The following ATP2B2 variants were observed in gnomAD, a reference collection of about 807,000 sequenced individuals.
ATP2B2 encodes the protein plasma membrane calcium-transporting ATPase 2.
A neutral mutation model predicts 120.0 loss-of-function variants in ATP2B2; 15 were observed. That is an observed-to-expected ratio of 0.12 (90% CI 0.08 to 0.19). The LOEUF is 0.19. Ranked by LOEUF, ATP2B2 falls within the 10% of genes least tolerant of loss-of-function variation. The pLI is 1.00. For missense variants in ATP2B2, 1,045 were observed against 1,719.8 expected, an observed-to-expected ratio of 0.61 and a Z score of 6.94; for synonymous variants, 694 against 700.3, an observed-to-expected ratio of 0.99 and a Z score of 0.14.
chr3:10,356,939 C>T (rs777324007), intron 14 of ATP2B2, among the ~76,000 whole-genome samples: 7 of 151,366 alleles, frequency 4.6e-5, no homozygotes, highest in Non-Finnish European at 8.8e-5. Flanking sequence ...GCCACAATGA[C>T]ACCCCCAAGG....
intron 1 of ATP2B2, among the ~76,000 whole-genome samples, chr3:10,494,754 C>A (rs2066074419): frequency 6.6e-6 from 1 of 152,182 alleles, no homozygotes; most frequent in African/African-American, 2.4e-5. Flanking sequence ...ACAGAGTGGC[C>A]TTCAGCCCCA....
Position 10,350,446 on chromosome 3 carries a change from G to A in ATP2B2, c.2268C>T (p.Cys756=). ...TCCTGTTGAACTCCTTGCCCTCGAG[G>A]CACAGAAAGTCCTCCCCAGGATGGA... is the stretch of plus-strand genomic sequence containing the variant. ...GIIHPGEDFL[C]LEGKEFNRRI... Residue 756 remains cysteine, a synonymous_variant, in exon 15 of 23, where the codon TGC becomes TGT. Transcript: ENST00000360273. 6.2e-7 allele frequency: 1 copy of A among 1,614,218 alleles called. No individual in the cohort carries two copies. Among genetic ancestry groups the A allele is most frequent in the Non-Finnish European group, 8.5e-7 (1 of 1,180,038 alleles).
chr3:10,678,546 C>T (rs1214685952), intron 1 of ATP2B2, among the ~76,000 whole-genome samples: 2 of 152,148 alleles, frequency 1.3e-5, no homozygotes, highest in African/African-American at 4.8e-5. Flanking sequence ...TGGCCCTTCT[C>T]CTAGAAGGGG....
chr3:10,535,332 A>C (rs2067291218), intron 2 of ATP2B2, among the ~76,000 whole-genome samples: 1 of 152,126 alleles, frequency 6.6e-6, no homozygotes. Flanking sequence ...GCATGCCATA[A>C]AAACCAGTCT....
intron 12 of ATP2B2, among the ~76,000 whole-genome samples, chr3:10,363,816 T>C (rs1160970184): frequency 2.0e-5 from 3 of 152,286 alleles, no homozygotes; most frequent in East Asian, 3.9e-4. Flanking sequence ...GAAAACAGTA[T>C]GGTAGTTCCT....
upstream of ATP2B2, among the ~76,000 whole-genome samples, chr3:10,510,371 T>C (rs1171956608): frequency 5.9e-5 from 9 of 152,204 alleles, no homozygotes; most frequent in Admixed American, 3.3e-4. Context: ...AGGTAAAACA[T>C]TGTAGCGCAA....
chr3:10,558,012 C>T (rs1222598404), intron 2 of ATP2B2, among the ~76,000 whole-genome samples: 1 of 152,138 alleles, frequency 6.6e-6, no homozygotes, highest in East Asian at 1.9e-4. Context: ...AGAAATAAGG[C>T]AAGACAAGGA....
chr3:10,668,079 G>A (rs11718643), intron 1 of ATP2B2, among the ~76,000 whole-genome samples: 4,259 of 152,282 alleles, frequency 0.028, 79 homozygotes, highest in South Asian at 0.089. Context: ...TCCTGGTGCC[G>A]CGTGACCTTA....
At chr3:10,570,800 C>T (rs565306299) in intron 2 of ATP2B2, among the ~76,000 whole-genome samples, 2 of 152,320 alleles carry the variant, frequency 1.3e-5, no homozygotes, top group South Asian at 2.1e-4. Context: ...CTACTCTCCC[C>T]AGGACTTCGC....
intron 3 of ATP2B2, among the ~76,000 whole-genome samples, chr3:10,410,282 C>T (rs1420239388): frequency 1.3e-5 from 2 of 152,190 alleles, no homozygotes; most frequent in Admixed American, 6.5e-5. Flanking sequence ...AGGGTTTCCT[C>T]ATCTTTAAAA....
At chr3:10,419,131 G>A (rs1179394815) in intron 2 of ATP2B2, among the ~76,000 whole-genome samples, 2 of 152,252 alleles carry the variant, frequency 1.3e-5, no homozygotes, top group African/African-American at 2.4e-5. Flanking sequence ...GCACACAGCA[G>A]TCCCTCAAGA....
intron 8 of ATP2B2, 137 bp downstream of exon 8, chr3:10,385,131 G>T: frequency 1.1e-6 from 1 of 871,910 alleles, no homozygotes; most frequent in Non-Finnish European, 1.9e-6. Context: ...TGCCCCATGT[G>T]AGAAGGTGAC....
chr3:10,415,895 G>T (rs1022511909), intron 2 of ATP2B2, among the ~76,000 whole-genome samples: 1 of 152,218 alleles, frequency 6.6e-6, no homozygotes, highest in Non-Finnish European at 1.5e-5. Context: ...ATTATAAGCA[G>T]AGGTCAGAGC....
chr3:10,651,704 AATGG>A (rs59633869), intron 1 of ATP2B2, among the ~76,000 whole-genome samples: 9,576 of 150,742 alleles, frequency 0.064, 332 homozygotes, highest in South Asian at 0.18. Flanking sequence ...TGGAAGGGTG[AATGG>A]ATGGATGGAT....
chr3:10,429,751 A>G (rs886810808), intron 2 of ATP2B2, among the ~76,000 whole-genome samples: 2 of 152,270 alleles, frequency 1.3e-5, no homozygotes, highest in Non-Finnish European at 2.9e-5. Flanking sequence ...ATAGGCTGAA[A>G]GCTAGGCCTC....
intron 1 of ATP2B2, among the ~76,000 whole-genome samples, chr3:10,488,498 C>A (rs2065809691): frequency 9.9e-6 from 1 of 100,860 alleles, no homozygotes; most frequent in Non-Finnish European, 2.0e-5. Context: ...TTCCTTCCTT[C>A]CTTCCTTCGT....
At chr3:10,598,264 G>A (rs1420279377) in intron 2 of ATP2B2, among the ~76,000 whole-genome samples, 2 of 152,134 alleles carry the variant, frequency 1.3e-5, no homozygotes, top group African/African-American at 2.4e-5. Context: ...AGGATGTAAG[G>A]GCCAGAGTCC....
intron 1 of ATP2B2, among the ~76,000 whole-genome samples, chr3:10,456,392 T>A (rs183047843): frequency 6.6e-6 from 1 of 152,294 alleles, no homozygotes; most frequent in East Asian, 1.9e-4. Context: ...AGATCCCCAG[T>A]GATGGAAGCC....
chr3:10,338,144 G>C (rs1364364421), intron 22 of ATP2B2, 32 bp downstream of exon 22: 1 of 1,612,888 alleles, frequency 6.2e-7, no homozygotes, highest in Non-Finnish European at 8.5e-7. Context: ...CCCCGGCCAG[G>C]CCTGGGCCCA....
Sources: allele counts gnomAD v4.1 joint callset (sites outside exome capture counted in the v4.1 genomes callset), GRCh38; gene constraint gnomAD v4.1.1; transcripts MANE v1.5; gene names NCBI Gene and HGNC (gene_info 2026-07-23, HGNC 2026-07-21).